VWA5A: variants seen among roughly 807,000 people sequenced by gnomAD.
VWA5A encodes von Willebrand factor A domain containing 5A.
VWA5A carries 77 observed loss-of-function variants against 84.6 expected under a neutral mutation model. The ratio of observed to expected loss-of-function variants is 0.91; its 90% CI spans 0.76 to 1.10. The LOEUF (loss-of-function observed/expected upper bound fraction) is 1.10, where lower values mean the gene tolerates loss of function less well. Among genes scored for constraint, VWA5A ranks in the 50% least tolerant of loss-of-function variants. The pLI is 0.00. For synonymous variants in VWA5A, 334 were observed against 350.1 expected (o/e 0.95, Z 0.51); for missense variants, 973 against 963.0 (o/e 1.01, Z -0.14).
chr11:124,135,027 A>T lies in VWA5A; in HGVS notation c.1352A>T (p.Gln451Leu), dbSNP rs1382882339. ...SEFITGKDRM[Q>L]SKALRTLKRS... is the part of the protein sequence containing the mutation. The stretch of plus-strand genomic sequence containing the variant: ...TTTATCACAGGCAAAGACAGGATGC[A>T]GTCCAAGGTGAGGGACAGACTGACT... Residue 451 changes from glutamine (Q) to leucine (L), a missense_variant, in exon 12 of 19, where the codon CAG becomes CTG. Transcript: ENST00000456829. The T allele has an allele frequency of 6.2e-7, 1 of 1,613,162 alleles. No individual in the cohort carries two copies. Among genetic ancestry groups the T allele is most frequent in the East Asian group, 2.2e-5 (1 of 44,854 alleles).
chr11:124,122,891 A>G, intron 7 of VWA5A, 69 bp from the exon 8 acceptor site: 1 of 1,464,120 alleles, frequency 6.8e-7, no homozygotes, highest in South Asian at 1.3e-5. Context: ...ATTCACTACC[A>G]TTGATTCTTA....
intron 7 of VWA5A, 63 bp downstream of exon 7, chr11:124,119,152 T>C: frequency 7.1e-7 from 1 of 1,402,962 alleles, no homozygotes; most frequent in African/African-American, 1.4e-5. Context: ...GGAATTACTG[T>C]CGAATTACTC....
At position 124,146,033 on chromosome 11, in the gene VWA5A, A is replaced by T. The variant is rs9326269; in HGVS notation, c.*88A>T. The T allele has an allele frequency of 0.62, 853,870 of 1,367,334 alleles. 269,722 individuals are homozygous for T. The highest frequency in any genetic ancestry group is 0.84 in the African/African-American group (57,645 of 68,256). The allele number at this position is 1,367,334 out of a possible 1,614,324, so 84.7% of individuals were successfully genotyped here. On this transcript the variant is annotated 3_prime_UTR_variant, in exon 19 of 19. Coordinates refer to ENST00000456829, the MANE Select transcript of VWA5A (RefSeq NM_001130142.2). ...TTGCTGTGATGATGTGTTCTTGTGT[A>T]TTATAACTCTTTATTTTTTGCCATA...
intron 7 of VWA5A, among the ~76,000 whole-genome samples, chr11:124,120,944 G>C (rs554518653): frequency 1.3e-5 from 2 of 152,278 alleles, no homozygotes; most frequent in South Asian, 4.1e-4. Flanking sequence ...CCATGACCAG[G>C]TCTGAAGGCC....
rs528228846 is a variant in VWA5A at position 124,136,440 on chromosome 11, C to G, written c.1525-134C>G. Reference sequence around the variant, plus strand: ...CTTCCTTCCCATCATTTCAGGTCTCCGGTTTCCTAGGCTACCTGATTCTTC... The same window carrying G: ...CTTCCTTCCCATCATTTCAGGTCTCGGGTTTCCTAGGCTACCTGATTCTTC... On this transcript the variant is annotated intron_variant, in intron 13 of 18. Transcript: ENST00000456829. 29 of 1,433,844 alleles carry G rather than the reference C, an allele frequency of 2.0e-5. 1 individual carries two copies. In the Admixed American group the frequency reaches 5.7e-4, roughly 28 times the overall value. The allele number at this position is 1,433,844 out of a possible 1,614,324, so 88.8% of individuals were successfully genotyped here. A position where few individuals can be genotyped will look rare whatever the true frequency, so the allele number is the denominator to read the frequency against.
intron 11 of VWA5A, among the ~76,000 whole-genome samples, chr11:124,133,609 A>G (rs1865130189): frequency 6.6e-6 from 1 of 152,212 alleles, no homozygotes. Context: ...CTAGGGTGTT[A>G]TATTTTAAGT....
intron 12 of VWA5A, among the ~76,000 whole-genome samples, chr11:124,135,522 CTT>C (rs60188800): frequency 5.9e-5 from 5 of 84,344 alleles, no homozygotes; most frequent in Admixed American, 1.3e-4. Flanking sequence ...GGTGGTATTT[CTT>C]TTTTTTTTTT....
At chr11:124,123,632 T>G in intron 9 of VWA5A, 28 bp from the exon 10 acceptor site, 2 of 1,614,148 alleles carry the variant, frequency 1.2e-6, no homozygotes, top group South Asian at 1.1e-5. Flanking sequence ...GTAACCCTCA[T>G]GTAACTGGGT....
intron 7 of VWA5A, among the ~76,000 whole-genome samples, chr11:124,120,719 C>T (rs944783043): frequency 6.6e-5 from 10 of 152,190 alleles, no homozygotes; most frequent in Non-Finnish European, 1.3e-4. Flanking sequence ...CGTTAGTTAT[C>T]TGCTTTTTCC....
At chr11:124,134,545 T>C (rs1373609003) in intron 11 of VWA5A, among the ~76,000 whole-genome samples, 1 of 152,114 alleles carries the variant, frequency 6.6e-6, no homozygotes, top group African/African-American at 2.4e-5. Flanking sequence ...TAGGAACTGG[T>C]GTTAGTTTCT....
intron 15 of VWA5A, among the ~76,000 whole-genome samples, chr11:124,138,536 T>C (rs1380013136): frequency 1.3e-5 from 2 of 152,206 alleles, no homozygotes; most frequent in Non-Finnish European, 2.9e-5. Flanking sequence ...TTCCTGATGA[T>C]TGGTAATGCT....
chr11:124,122,873 T>G, intron 7 of VWA5A, 87 bp from the exon 8 acceptor site: 1 of 1,366,480 alleles, frequency 7.3e-7, no homozygotes, highest in South Asian at 1.4e-5. Context: ...TTCCTAGCTC[T>G]TAATTGAATT....
chr11:124,138,265 T>C (rs1860655161), intron 15 of VWA5A, among the ~76,000 whole-genome samples: 1 of 152,236 alleles, frequency 6.6e-6, no homozygotes, highest in Non-Finnish European at 1.5e-5. Flanking sequence ...ATAGTGCTGA[T>C]ATCTCTTTGA....
At chr11:124,144,579 C>A (rs1860783104) in intron 17 of VWA5A, among the ~76,000 whole-genome samples, 1 of 152,146 alleles carries the variant, frequency 6.6e-6, no homozygotes, top group Non-Finnish European at 1.5e-5. Flanking sequence ...ACATGATAGC[C>A]ATTTCCAAGT....
At chr11:124,118,905 C>A in intron 6 of VWA5A, 70 bp from the exon 7 acceptor site, 1 of 1,489,234 alleles carries the variant, frequency 6.7e-7, no homozygotes, top group Non-Finnish European at 9.2e-7. Flanking sequence ...GAGGACTGCG[C>A]CCTAACCTCA....
intron 11 of VWA5A, among the ~76,000 whole-genome samples, chr11:124,126,011 C>T (rs889829320): frequency 2.6e-5 from 4 of 152,186 alleles, no homozygotes; most frequent in African/African-American, 9.7e-5. Flanking sequence ...CTCAGTAATG[C>T]ACAGTGTCAT....
intron 11 of VWA5A, among the ~76,000 whole-genome samples, chr11:124,128,582 A>G (rs993562078): frequency 2.0e-5 from 3 of 151,490 alleles, no homozygotes; most frequent in African/African-American, 7.3e-5. Context: ...CAGTATGGCC[A>G]TTTTCACAAT....
chr11:124,118,573 A>C lies in VWA5A; in HGVS notation c.510A>C (p.Ile170=). 1.2e-6 allele frequency: 2 copies of C among 1,614,224 alleles called. No individual in the cohort carries two copies. The highest frequency in any genetic ancestry group is 1.7e-6 in the Non-Finnish European group (2 of 1,180,038). ...GTTGCCTTAATGTGAAGACTCCTATAGTCCCTGTGGAGGACCTGCCCTACA... is the reference window on the plus strand; with the variant it reads ...GTTGCCTTAATGTGAAGACTCCTATCGTCCCTGTGGAGGACCTGCCCTACA... The part of the protein sequence containing the change: ...KDSCLNVKTP[I]VPVEDLPYTL... Residue 170 remains isoleucine, a synonymous_variant, in exon 6 of 19, where the codon ATA becomes ATC. Coordinates refer to ENST00000456829, the MANE Select transcript of VWA5A (RefSeq NM_001130142.2).
intron 16 of VWA5A, 63 bp downstream of exon 16, chr11:124,141,804 C>A (rs1338416787): frequency 3.2e-6 from 5 of 1,567,776 alleles, no homozygotes; most frequent in African/African-American, 1.4e-5. Flanking sequence ...CAGGACTAGG[C>A]AAGCTAAAAG....
Sources: gnomAD v4.1 joint callset for allele counts (sites outside exome capture counted in the v4.1 genomes callset) on GRCh38, gnomAD v4.1.1 for gene constraint, MANE v1.5 for transcripts, NCBI Gene and HGNC (gene_info 2026-07-23, HGNC 2026-07-21) for gene names.